Variants in COL23A1 observed in about 807,000 individuals in gnomAD.
COL23A1 encodes collagen type XXIII alpha 1 chain, also known as collagen alpha-1(XXIII) chain.
Under a neutral mutation model 99.3 loss-of-function variants are expected in COL23A1, and 97 were observed. That is an observed-to-expected ratio of 0.98 (90% CI 0.83 to 1.16). The LOEUF is 1.16. COL23A1 is among the 50% of genes most tolerant of loss of function. The pLI is 0.00. For synonymous variants in COL23A1, 320 were observed against 308.2 expected (o/e 1.04, Z -0.40); for missense variants, 762 against 757.4 (o/e 1.01, Z -0.07).
intron 2 of COL23A1, among the ~76,000 whole-genome samples, chr5:178,389,162 A>T (rs1763828092): frequency 6.6e-6 from 1 of 151,558 alleles, no homozygotes; most frequent in African/African-American, 2.4e-5. Context: ...TGACTCCCCA[A>T]ACCTGGCTGT....
At chr5:178,509,729 G>A (rs1013288739) in intron 2 of COL23A1, among the ~76,000 whole-genome samples, 6 of 152,024 alleles carry the variant, frequency 3.9e-5, no homozygotes, top group East Asian at 3.9e-4. Context: ...TCCCACCACC[G>A]CCCCGCCCCA....
chr5:178,356,505 C>A (rs140607814), intron 2 of COL23A1, among the ~76,000 whole-genome samples: 3 of 152,072 alleles, frequency 2.0e-5, no homozygotes, highest in Admixed American at 6.5e-5. Context: ...AGGAGAGGGG[C>A]CTGAGCCCTG....
At chr5:178,420,271 A>G (rs911230883) in intron 2 of COL23A1, among the ~76,000 whole-genome samples, 1 of 152,140 alleles carries the variant, frequency 6.6e-6, no homozygotes, top group South Asian at 2.1e-4. Flanking sequence ...AAGCAGATCA[A>G]ACAAGAGCGC....
intron 19 of COL23A1, 91 bp from the exon 20 acceptor site, chr5:178,248,345 T>C: frequency 1.0e-6 from 1 of 981,158 alleles, no homozygotes; most frequent in Non-Finnish European, 1.5e-6. Flanking sequence ...TTCCCCCATG[T>C]GGCTCCTGAG....
At chr5:178,242,997 G>A (rs1342650448) in intron 25 of COL23A1, among the ~76,000 whole-genome samples, 1 of 152,048 alleles carries the variant, frequency 6.6e-6, no homozygotes, top group Non-Finnish European at 1.5e-5. Context: ...AGGAGTTTGA[G>A]ACCCACCCTG....
intron 2 of COL23A1, among the ~76,000 whole-genome samples, chr5:178,325,931 CAGTTTATGAACCA>C (rs1759625170): frequency 6.6e-6 from 1 of 152,178 alleles, no homozygotes; most frequent in South Asian, 2.1e-4. Flanking sequence ...TGGGAAATGC[CAGTTTATGAACCA>C]AGGGTGAGCC....
intron 2 of COL23A1, among the ~76,000 whole-genome samples, chr5:178,488,439 A>G (rs1757748110): frequency 6.6e-6 from 1 of 152,174 alleles, no homozygotes; most frequent in Non-Finnish European, 1.5e-5. Flanking sequence ...TTTGTGGCAC[A>G]TGAAGATTTC....
At chr5:178,408,975 TACAC>T (rs61457266) in intron 2 of COL23A1, among the ~76,000 whole-genome samples, 4,946 of 101,584 alleles carry the variant, frequency 0.049, 149 homozygotes, top group South Asian at 0.079. Flanking sequence ...AAAAAAAAAA[TACAC>T]ACACACACAC....
At chr5:178,304,744 G>A (rs975038513) in intron 3 of COL23A1, among the ~76,000 whole-genome samples, 1 of 152,180 alleles carries the variant, frequency 6.6e-6, no homozygotes, top group African/African-American at 2.4e-5. Context: ...AACAATGAGG[G>A]GGAGGGATCC....
chr5:178,374,737 G>A (rs1470644182), intron 2 of COL23A1, among the ~76,000 whole-genome samples: 2 of 152,174 alleles, frequency 1.3e-5, no homozygotes, highest in East Asian at 1.9e-4. Context: ...TTGGTGCAAC[G>A]TGGCACGACT....
chr5:178,540,668 T>A (rs1442724101), intron 2 of COL23A1, among the ~76,000 whole-genome samples: 1 of 152,214 alleles, frequency 6.6e-6, no homozygotes, highest in Non-Finnish European at 1.5e-5. Flanking sequence ...ATGCCTGCAG[T>A]CCCAGCACTT....
intron 27 of COL23A1, among the ~76,000 whole-genome samples, chr5:178,240,911 G>C (rs1764362316): frequency 6.6e-6 from 1 of 152,162 alleles, no homozygotes; most frequent in African/African-American, 2.4e-5. Flanking sequence ...AGCTCCACCG[G>C]AAGAGTGTGA....
intron 25 of COL23A1, among the ~76,000 whole-genome samples, chr5:178,245,392 T>C (rs529443115): frequency 4.0e-5 from 6 of 149,412 alleles, no homozygotes; most frequent in East Asian, 2.1e-4. Flanking sequence ...AGTGGATAGA[T>C]AGATGAATGG....
At chr5:178,311,986 C>G (rs1030790188) in intron 2 of COL23A1, among the ~76,000 whole-genome samples, 30 of 152,122 alleles carry the variant, frequency 2.0e-4, no homozygotes, top group Admixed American at 3.9e-4. Context: ...CTGCCTCGGC[C>G]TCCCAAAGTG....
chr5:178,302,727 C>T (rs1031757310), intron 3 of COL23A1, among the ~76,000 whole-genome samples: 1 of 152,250 alleles, frequency 6.6e-6, no homozygotes, highest in Non-Finnish European at 1.5e-5. Context: ...AAGTCATCCA[C>T]TGGTGTTATC....
intron 2 of COL23A1, among the ~76,000 whole-genome samples, chr5:178,480,736 C>T (rs1757288255): frequency 1.3e-5 from 2 of 152,298 alleles, no homozygotes; most frequent in South Asian, 4.1e-4. Flanking sequence ...ATAATACCTA[C>T]TCTAGGTATC....
intron 2 of COL23A1, among the ~76,000 whole-genome samples, chr5:178,465,634 C>A (rs1271637988): frequency 6.6e-6 from 1 of 152,214 alleles, no homozygotes; most frequent in East Asian, 1.9e-4. Flanking sequence ...TGCTTTCTGC[C>A]CCTCTCTAGA....
chr5:178,258,983 C>T (rs1267532268), intron 12 of COL23A1, among the ~76,000 whole-genome samples: 3 of 144,900 alleles, frequency 2.1e-5, no homozygotes, highest in Non-Finnish European at 3.0e-5. Context: ...GTGGCGCAAT[C>T]TCAGCTCACT....
At chr5:178,572,707 G>A (rs528898268) in intron 1 of COL23A1, among the ~76,000 whole-genome samples, 8 of 152,256 alleles carry the variant, frequency 5.3e-5, no homozygotes, top group South Asian at 2.1e-4. Context: ...GAATAAATCC[G>A]TACAGGGACT....
Sources: gnomAD v4.1 joint callset for allele counts (sites outside exome capture counted in the v4.1 genomes callset) on GRCh38, gnomAD v4.1.1 for gene constraint, MANE v1.5 for transcripts, NCBI Gene and HGNC (gene_info 2026-07-23, HGNC 2026-07-21) for gene names.